The following ACTN2 variants were observed in gnomAD, a reference collection of about 807,000 sequenced individuals.
ACTN2 encodes alpha-actinin-2.
In ACTN2, 39 loss-of-function variants were observed where a neutral mutation model predicts 113.8. The ratio of observed to expected loss-of-function variants is 0.34; its 90% CI spans 0.27 to 0.45. The LOEUF is 0.45. ACTN2 is among the 20% of genes least tolerant of loss of function. The pLI is 1.00. For missense variants in ACTN2, 992 were observed against 1,177.9 expected (o/e 0.84, Z 2.31); for synonymous variants, 429 against 444.1 (o/e 0.97, Z 0.43).
At chr1:236,755,426 C>T (rs1659526371) in intron 17 of ACTN2, among the ~76,000 whole-genome samples, 3 of 152,150 alleles carry the variant, frequency 2.0e-5, no homozygotes, top group Admixed American at 2.0e-4. Flanking sequence ...TTATTATCAC[C>T]ACCATAAATT....
Position 236,735,627 on chromosome 1 carries a change from C to T in ACTN2, c.698-8C>T. ...GCGCGCGTCCTGTGTTATTTTCTCC[C>T]CCTTCAGACATCGTGAACACCCCTA... is the stretch of plus-strand genomic sequence containing the variant. On this transcript the variant is annotated splice_polypyrimidine_tract_variant and splice_region_variant and intron_variant, in intron 7 of 20. Coordinates refer to ENST00000366578, the MANE Select transcript of ACTN2 (RefSeq NM_001103.4). The T allele has an allele frequency of 1.9e-6, 3 of 1,613,242 alleles. No individual in the cohort carries two copies. Among genetic ancestry groups the T allele is most frequent in the Non-Finnish European group, 1.7e-6 (2 of 1,179,260 alleles).
intron 14 of ACTN2, 80 bp from the exon 15 acceptor site, chr1:236,751,390 G>A (rs934182898): frequency 2.0e-6 from 3 of 1,514,910 alleles, no homozygotes; most frequent in Non-Finnish European, 2.7e-6. Flanking sequence ...GCATTTACTT[G>A]TGTGCGGAAA....
chr1:236,742,388 A>T (rs988543549), intron 10 of ACTN2, among the ~76,000 whole-genome samples: 46 of 152,046 alleles, frequency 3.0e-4, no homozygotes, highest in Non-Finnish European at 6.3e-4. Context: ...TGGCTGAACA[A>T]TTCACCCCAG....
At chr1:236,697,249 T>C (rs972078933) in intron 1 of ACTN2, among the ~76,000 whole-genome samples, 11 of 152,018 alleles carry the variant, frequency 7.2e-5, no homozygotes, top group African/African-American at 2.4e-4. Flanking sequence ...TGGCTTGAGC[T>C]GGGGAGGTTG....
intron 8 of ACTN2, chr1:236,736,901 T>C: frequency 1.6e-6 from 1 of 613,468 alleles, no homozygotes; most frequent in South Asian, 1.9e-5. Context: ...TACAGTCTAA[T>C]CAGCCTGCCG....
At chr1:236,723,708 C>T (rs570151985) in intron 4 of ACTN2, among the ~76,000 whole-genome samples, 19 of 152,202 alleles carry the variant, frequency 1.2e-4, no homozygotes, top group African/African-American at 2.6e-4. Context: ...CCACCAGCCT[C>T]GGCCTCCCAA....
At chr1:236,743,110 G>A (rs1454967430) in intron 11 of ACTN2, 67 bp downstream of exon 11, 20 of 1,565,496 alleles carry the variant, frequency 1.3e-5, no homozygotes, top group Non-Finnish European at 1.7e-5. Flanking sequence ...GAGCCATGAT[G>A]CATCCTTACT....
At chr1:236,738,216 C>T (rs1284383107) in intron 9 of ACTN2, among the ~76,000 whole-genome samples, 4 of 152,232 alleles carry the variant, frequency 2.6e-5, no homozygotes, top group African/African-American at 9.6e-5. Context: ...ACCGTGGTAG[C>T]CTGGCTGGCC....
intron 1 of ACTN2, among the ~76,000 whole-genome samples, chr1:236,713,259 C>A (rs1658098697): frequency 6.6e-6 from 1 of 150,444 alleles, no homozygotes; most frequent in South Asian, 2.1e-4. Context: ...CGGAGTTTCA[C>A]TCCTGTTTCC....
chr1:236,751,831 C>T (rs1183238759), intron 15 of ACTN2, among the ~76,000 whole-genome samples, 179 bp downstream of exon 15: 1 of 152,144 alleles, frequency 6.6e-6, no homozygotes, highest in African/African-American at 2.4e-5. Flanking sequence ...CCTTCAGCAG[C>T]GTCTGCAGTT....
intron 1 of ACTN2, among the ~76,000 whole-genome samples, chr1:236,695,563 T>TGCCC (rs1553296741): frequency 2.0e-5 from 2 of 100,796 alleles, no homozygotes; most frequent in Admixed American, 1.1e-4. Context: ...TGAAATGAGT[T>TGCCC]CCCCCCCCCT....
chr1:236,744,939 G>C (rs554192030), intron 12 of ACTN2, among the ~76,000 whole-genome samples, 163 bp downstream of exon 12: 41 of 152,212 alleles, frequency 2.7e-4, no homozygotes, highest in African/African-American at 9.9e-4. Flanking sequence ...AACAGATTTT[G>C]GTTCTTAGAT....
At chr1:236,719,978 C>A in intron 3 of ACTN2, 127 bp from the exon 4 acceptor site, 1 of 706,542 alleles carries the variant, frequency 1.4e-6, no homozygotes, top group Non-Finnish European at 2.6e-6. Context: ...CTTATAAAAA[C>A]ATAAACTGGT....
intron 20 of ACTN2, among the ~76,000 whole-genome samples, chr1:236,761,459 A>G (rs78197515): frequency 1.6e-4 from 20 of 125,694 alleles, no homozygotes; most frequent in South Asian, 1.2e-3. Flanking sequence ...GTGTGTGTGT[A>G]TGTGCGCGCT....
In ACTN2 at chr1:236,739,509, C is replaced by A; in HGVS notation, c.1084C>A (p.Pro362Thr). ...GATCAGCAACCGTCCTGCCTTCATG[C>A]CCTCCGAGGGCAAGATGGTGTCGGT... is the stretch of plus-strand genomic sequence containing the variant. ...LRISNRPAFM[P>T]SEGKMVSDIA... Residue 362 changes from proline (P) to threonine (T), a missense_variant, in exon 10 of 21, where the codon CCC becomes ACC. Coordinates refer to ENST00000366578, the MANE Select transcript of ACTN2 (RefSeq NM_001103.4). The A allele has an allele frequency of 1.2e-6, 2 of 1,614,064 alleles. 1 individual carries two copies. Among genetic ancestry groups the A allele is most frequent in the South Asian group, 2.2e-5 (2 of 91,068 alleles).
intron 6 of ACTN2, among the ~76,000 whole-genome samples, chr1:236,728,977 G>T (rs1039143381): frequency 6.6e-6 from 1 of 152,112 alleles, no homozygotes; most frequent in Non-Finnish European, 1.5e-5. Context: ...GCTCTGTGCT[G>T]CCTTAGAGAT....
At chr1:236,702,273 C>G (rs1356542143) in intron 1 of ACTN2, among the ~76,000 whole-genome samples, 1 of 152,148 alleles carries the variant, frequency 6.6e-6, no homozygotes, top group African/African-American at 2.4e-5. Flanking sequence ...TAGCCGACAT[C>G]ATTACAGACA....
At chr1:236,706,048 G>A (rs984665651) in intron 1 of ACTN2, among the ~76,000 whole-genome samples, 1 of 151,804 alleles carries the variant, frequency 6.6e-6, no homozygotes, top group Non-Finnish European at 1.5e-5. Context: ...TCATCCATTA[G>A]CCTGATTCTA....
In ACTN2 at chr1:236,751,667, G is replaced by T. The variant is rs1311492429; in HGVS notation, c.1839+15G>T. On this transcript the variant is annotated intron_variant, in intron 15 of 20. Coordinates refer to ENST00000366578, the MANE Select transcript of ACTN2 (RefSeq NM_001103.4). ...AGTGGGACAAGGTGGGTGGCTGAGG[G>T]CCTGGTGTGGGACCAGGGGGCATTC... The T allele has an allele frequency of 4.3e-6, 7 of 1,613,754 alleles. No homozygotes were observed. In the South Asian group the frequency reaches 6.6e-5, roughly 15 times the overall value.
Sources: allele counts gnomAD v4.1 joint callset (sites outside exome capture counted in the v4.1 genomes callset), GRCh38; gene constraint gnomAD v4.1.1; transcripts MANE v1.5; gene names NCBI Gene and HGNC (gene_info 2026-07-23, HGNC 2026-07-21).